Variants in CAND1 observed in about 807,000 individuals in gnomAD.
CAND1 encodes cullin associated and neddylation dissociated 1.
CAND1 carries 7 observed loss-of-function variants against 108.5 expected under a neutral mutation model. The observed-to-expected ratio is 0.06, with a 90% CI of 0.04 to 0.12. The LOEUF (loss-of-function observed/expected upper bound fraction) is 0.12. CAND1 is among the 10% of genes least tolerant of loss of function. CAND1 has a pLI of 1.00. For missense variants in CAND1, 941 were observed against 1,448.7 expected (o/e 0.65, Z 5.69); for synonymous variants, 534 against 512.0 (o/e 1.04, Z -0.58).
At chr12:67,272,314 G>A (rs2135986636) in intron 1 of CAND1, among the ~76,000 whole-genome samples, 1 of 152,312 alleles carries the variant, frequency 6.6e-6, no homozygotes. Context: ...GTTATGAACT[G>A]TAAGATCTTA....
rs140051828 is a variant in CAND1, at chr12:67,313,337, CAG to C, written c.*512_*513del. ...TCCATATAAGATTTGTTAACCATTT[CAG>C]AGAGTTTGGCAATTTTTAAAAGATA... On this transcript the variant is annotated 3_prime_UTR_variant, in exon 15 of 15. Transcript: ENST00000545606. 10,215 of 152,584 alleles carry C rather than the reference CAG, an allele frequency of 0.067. 686 individuals carry two copies. The highest frequency in any genetic ancestry group is 0.34 in the East Asian group (1,779 of 5,164). 9.5% of individuals were successfully genotyped at this position (152,584 alleles called of 1,614,324 possible).
intron 1 of CAND1, chr12:67,269,992 T>G: frequency 1.9e-6 from 1 of 517,212 alleles, no homozygotes. Context: ...TTCTTTCTCC[T>G]AGGCAGTTGC....
chr12:67,299,687 T>C (rs1368934926), intron 7 of CAND1, among the ~76,000 whole-genome samples: 1 of 152,174 alleles, frequency 6.6e-6, no homozygotes, highest in Non-Finnish European at 1.5e-5. Flanking sequence ...CTAAGATTGA[T>C]GTAATCACAC....
chr12:67,273,117 A>C (rs1466368600), intron 1 of CAND1, among the ~76,000 whole-genome samples: 1 of 152,236 alleles, frequency 6.6e-6, no homozygotes, highest in African/African-American at 2.4e-5. Flanking sequence ...GCCTCGGTTT[A>C]GTGAAAAGTT....
rs1162021931 is a variant in CAND1 at position 67,316,184 on chromosome 12, A to C, written c.*3354A>C. The C allele has an allele frequency of 2.0e-5, 3 of 152,184 alleles. No homozygotes were observed. The highest frequency in any genetic ancestry group is 4.4e-5 in the Non-Finnish European group (3 of 68,030). 9.4% of individuals were successfully genotyped at this position (152,184 alleles called of 1,614,324 possible). On this transcript the variant is annotated 3_prime_UTR_variant, in exon 15 of 15. Coordinates refer to ENST00000545606, the MANE Select transcript of CAND1 (RefSeq NM_018448.5). ...TTGAAATCTTGTTTATGGAATGGAA[A>C]ATTGACAGTATGGTAATAGTTTATT...
rs2045001105 is a variant in CAND1 at position 67,315,665 on chromosome 12, A to G, written c.*2835A>G. 1 of 142,642 alleles carries G rather than the reference A, an allele frequency of 7.0e-6. No homozygotes were observed. The highest frequency in any genetic ancestry group is 2.1e-4 in the South Asian group (1 of 4,810). The allele number at this position is 142,642 out of a possible 1,614,324, so 8.8% of individuals were successfully genotyped here. A position where few individuals can be genotyped will look rare whatever the true frequency, so the allele number is the denominator to read the frequency against. ...CATCAAATGTTTGAATATTTACATA[A>G]TTTTTATGTAACCATAATTAAACCA... On this transcript the variant is annotated 3_prime_UTR_variant, in exon 15 of 15. Coordinates refer to ENST00000545606, the MANE Select transcript of CAND1 (RefSeq NM_018448.5).
chr12:67,269,400 C>T lies in CAND1; in HGVS notation c.-318C>T, dbSNP rs907117875. 2 of 363,542 alleles carry T rather than the reference C, an allele frequency of 5.5e-6. No individual in the cohort carries two copies. Among genetic ancestry groups the T allele is most frequent in the Admixed American group, 5.3e-5 (1 of 18,898 alleles). 22.5% of individuals were successfully genotyped at this position (363,542 alleles called of 1,614,324 possible). A position where few individuals can be genotyped will look rare whatever the true frequency, so the allele number is the denominator to read the frequency against. ...GAGTGCGGAGCGAGTGGGAGCGAGA[C>T]GGCCCTGAGTGGAAGTGTCTGGCTC... On this transcript the variant is annotated 5_prime_UTR_variant, in exon 1 of 15. In the 5' UTR this introduces an upstream ATG that the reference lacks. Coordinates refer to ENST00000545606, the MANE Select transcript of CAND1 (RefSeq NM_018448.5).
chr12:67,283,754 G>A (rs939853389), intron 2 of CAND1, among the ~76,000 whole-genome samples: 3 of 151,984 alleles, frequency 2.0e-5, no homozygotes, highest in African/African-American at 7.3e-5. Flanking sequence ...CTTTAAAAAA[G>A]TAATCTTTGT....
In CAND1 at chr12:67,297,474, C is replaced by T. The variant is rs770596024; in HGVS notation, c.559C>T (p.Pro187Ser). The T allele has an allele frequency of 6.1e-5, 99 of 1,613,866 alleles. No homozygotes were observed. Among genetic ancestry groups the T allele is most frequent in the Admixed American group, 8.3e-5 (5 of 59,990 alleles). ...CTGTCTACTTCCCCAGTTGACCAGCCCTAGACTTGCAGTGAGGAAAAGAAC... is the reference window on the plus strand; with the variant it reads ...CTGTCTACTTCCCCAGTTGACCAGCTCTAGACTTGCAGTGAGGAAAAGAAC... ...LTCLLPQLTS[P>S]RLAVRKRTII... Residue 187 changes from proline (P) to serine (S), a missense_variant, in exon 5 of 15, where the codon CCT (proline) becomes TCT (serine). Physicochemically the swap from Pro to Ser is moderately conservative, Grantham distance 74. Coordinates refer to ENST00000545606, the MANE Select transcript of CAND1 (RefSeq NM_018448.5).
Position 67,302,608 on chromosome 12 carries a change from A to C in CAND1, c.1286A>C (p.Gln429Pro). 1 of 1,606,186 alleles carries C rather than the reference A, an allele frequency of 6.2e-7. No homozygotes were observed. Among genetic ancestry groups the C allele is most frequent in the East Asian group, 2.2e-5 (1 of 44,688 alleles). ...GGAGAAACACCTTTAACAATGCTTC[A>C]GAGTCAGGTGGGTTTTAAAGTAAAG... is the stretch of plus-strand genomic sequence containing the variant. The part of the protein sequence containing the change: ...EQGETPLTML[Q>P]SQVPNIVKAL... The change falls in exon 8 of 15, where the codon CAG (glutamine) becomes CCG (proline). Residue 429 changes from glutamine to proline, a missense_variant. By Grantham distance (76) the Gln-to-Pro change is moderately conservative. Transcript: ENST00000545606.
At chr12:67,290,903 A>G (rs1292857630) in intron 2 of CAND1, among the ~76,000 whole-genome samples, 3 of 152,148 alleles carry the variant, frequency 2.0e-5, no homozygotes, top group Non-Finnish European at 4.4e-5. Context: ...TTCGATTCTC[A>G]TAGGAGCACG....
At chr12:67,300,693 A>G (rs2044816400) in intron 7 of CAND1, among the ~76,000 whole-genome samples, 1 of 152,154 alleles carries the variant, frequency 6.6e-6, no homozygotes, top group South Asian at 2.1e-4. Flanking sequence ...ACCTATTAGA[A>G]TATAAGTTTC....
chr12:67,269,835 G>T (rs1180030336), intron 1 of CAND1, 50 bp downstream of exon 1: 2 of 1,525,058 alleles, frequency 1.3e-6, no homozygotes, highest in Non-Finnish European at 1.8e-6. Flanking sequence ...TCGCAGCCGC[G>T]GCCCTGGCCG....
Position 67,271,880 on chromosome 12 carries a change from C to T in CAND1, c.68+2095C>T, listed in dbSNP as rs181839482. Among the ~76,000 whole-genome samples the T allele has an allele frequency of 1.4e-4, 22 of 152,276 alleles. No homozygotes were observed. The East Asian group carries it at 3.7e-3, about 25-fold the overall frequency. On this transcript the variant is annotated intron_variant, in intron 1 of 14. Coordinates refer to ENST00000545606, the MANE Select transcript of CAND1 (RefSeq NM_018448.5). ...GCGCTGTAGCCATCTAGTTAATAAA[C>T]AAGTCTTTGGAACTAAAGCACTTTA...
At chr12:67,274,669 C>A (rs1003934266) in intron 1 of CAND1, among the ~76,000 whole-genome samples, 1 of 152,148 alleles carries the variant, frequency 6.6e-6, no homozygotes, top group Non-Finnish European at 1.5e-5. Flanking sequence ...TGTTTAAATA[C>A]CACTTGATAG....
chr12:67,297,789 T>A lies in CAND1; in HGVS notation c.790T>A (p.Cys264Ser). 6.2e-7 allele frequency: 1 copy of A among 1,610,200 alleles called. No homozygotes were observed. Among genetic ancestry groups the A allele is most frequent in the Non-Finnish European group, 8.5e-7 (1 of 1,177,226 alleles). ...GATAATTCCTTTGGTGGTAAAATTT[T>A]GCAATGTAGATGATGATGAATTAAG... is the stretch of plus-strand genomic sequence containing the variant. Reference protein sequence around the residue: ...EKIIPLVVKFCNVDDDELREY... With the variant: ...EKIIPLVVKFSNVDDDELREY... The change falls in exon 6 of 15, where the codon TGC (cysteine) becomes AGC (serine). Residue 264 changes from cysteine to serine, a missense_variant. Physicochemically the swap from Cys to Ser is moderately radical, Grantham distance 112 (BLOSUM62 -1). This residue lies in a region of CAND1 where 697 missense variants were observed against 942.0 expected (regional missense o/e 0.74). Coordinates refer to ENST00000545606, the MANE Select transcript of CAND1 (RefSeq NM_018448.5).
chr12:67,312,548 T>G, intron 14 of CAND1, 58 bp from the exon 15 acceptor site: 1 of 1,136,786 alleles, frequency 8.8e-7, no homozygotes, highest in Non-Finnish European at 1.2e-6. Context: ...TGCTTAAATT[T>G]TGTTCATGTA....
intron 2 of CAND1, among the ~76,000 whole-genome samples, chr12:67,284,869 T>C (rs1271951024): frequency 9.7e-6 from 1 of 103,304 alleles, no homozygotes; most frequent in Non-Finnish European, 2.3e-5. Context: ...AAGGCAAATA[T>C]GTGTATCTCT....
intron 1 of CAND1, among the ~76,000 whole-genome samples, chr12:67,281,630 G>A (rs1380226038): frequency 6.6e-6 from 1 of 152,074 alleles, no homozygotes. Flanking sequence ...ACTGACCTGG[G>A]GAAAATAATT....
Sources: gnomAD v4.1 joint callset for allele counts (sites outside exome capture counted in the v4.1 genomes callset) on GRCh38, gnomAD v4.1.1 for gene constraint, gnomAD v4.1.1 regional missense constraint, MANE v1.5 for transcripts, NCBI Gene and HGNC (gene_info 2026-07-23, HGNC 2026-07-21) for gene names.